RIPOR3: variants seen among roughly 807,000 people sequenced by gnomAD.
The protein encoded by RIPOR3 is family with sequence similarity 65 member C.
In RIPOR3, 95 loss-of-function variants were observed where a neutral mutation model predicts 114.3. The observed-to-expected ratio is 0.83, with a 90% CI of 0.70 to 0.99. The LOEUF (loss-of-function observed/expected upper bound fraction) is 0.99, where lower values mean the gene tolerates loss of function less well. RIPOR3 is among the 50% of genes least tolerant of loss of function. RIPOR3 has a pLI of 0.00. For synonymous variants in RIPOR3, 575 were observed against 543.8 expected, an observed-to-expected ratio of 1.06 and a Z score of -0.80; for missense variants, 1,252 against 1,266.9, an observed-to-expected ratio of 0.99 and a Z score of 0.18.
intron 3 of RIPOR3, among the ~76,000 whole-genome samples, chr20:50,618,732 T>G (rs2084281999): frequency 6.6e-6 from 1 of 152,206 alleles, no homozygotes; most frequent in Non-Finnish European, 1.5e-5. Flanking sequence ...GTAGGGATTT[T>G]GTGTGTTTAG....
At position 50,602,233 on chromosome 20, in the gene RIPOR3, C is replaced by A; in HGVS notation, c.1498G>T (p.Gly500Cys). Reference protein sequence around the residue: ...HSGTASSSQNGHEEGATGDRE... With the variant: ...HSGTASSSQNCHEEGATGDRE... ...TCCCCGGTTGCCCCTTCCTCGTGGC[C>A]GTTCTGGCTACTCGAGGCTGTGCCG... The change falls in exon 13 of 22, where the codon GGC becomes TGC. Residue 500 changes from glycine (G) to cysteine (C), a missense_variant. Physicochemically the swap from Gly to Cys is radical, Grantham distance 159. Coordinates refer to ENST00000327979, the MANE Select transcript of RIPOR3 (RefSeq NM_001290268.2). This position sits in a 1 kb window ranked among gnomAD's most constrained non-coding sequence, Gnocchi z 4.3. The A allele has an allele frequency of 6.2e-7, 1 of 1,613,942 alleles. No homozygotes were observed. Among genetic ancestry groups the A allele is most frequent in the Non-Finnish European group, 8.5e-7 (1 of 1,179,982 alleles).
At chr20:50,615,527 A>C (rs1202763067) in intron 4 of RIPOR3, among the ~76,000 whole-genome samples, 3 of 149,086 alleles carry the variant, frequency 2.0e-5, no homozygotes, top group African/African-American at 7.3e-5. Flanking sequence ...CCTGTCTCAA[A>C]AAAAAAAAAA....
At chr20:50,611,855 G>A (rs1353180319) in intron 4 of RIPOR3, among the ~76,000 whole-genome samples, 1 of 152,148 alleles carries the variant, frequency 6.6e-6, no homozygotes, top group Non-Finnish European at 1.5e-5. Flanking sequence ...CAGGCGCAGT[G>A]GCTCACGCCT....
rs962615097 is a variant in RIPOR3 at position 50,602,042 on chromosome 20, G to A, written c.1659+30C>T. ...CAGTCATCATGCCATCAGCAAAGCAGGGCCACCGCCCGGGGCGGGGTGGCC... is the reference window on the plus strand; with the variant it reads ...CAGTCATCATGCCATCAGCAAAGCAAGGCCACCGCCCGGGGCGGGGTGGCC... On this transcript the variant is annotated intron_variant, in intron 13 of 21. Transcript: ENST00000327979. This position sits in a 1 kb window ranked among gnomAD's most constrained non-coding sequence, Gnocchi z 4.3. 1 of 1,454,424 alleles carries A rather than the reference G, an allele frequency of 6.9e-7. No individual in the cohort carries two copies. The allele number at this position is 1,454,424 out of a possible 1,614,324, so 90.1% of individuals were successfully genotyped here. A position where few individuals can be genotyped will look rare whatever the true frequency, so the allele number is the denominator to read the frequency against.
intron 1 of RIPOR3, among the ~76,000 whole-genome samples, chr20:50,656,297 A>G (rs1464098977): frequency 6.6e-6 from 1 of 151,980 alleles, no homozygotes; most frequent in African/African-American, 2.4e-5. Flanking sequence ...TGGCTGTGTA[A>G]CCCTGAGAAT....
At chr20:50,665,374 G>A in intron 1 of RIPOR3, among the ~76,000 whole-genome samples, 1 of 149,680 alleles carries the variant, frequency 6.7e-6, no homozygotes, top group East Asian at 2.0e-4. Context: ...TGGAGCCTAG[G>A]CCTGTCTGGC....
intron 1 of RIPOR3, among the ~76,000 whole-genome samples, chr20:50,680,262 A>T (rs1600765977): frequency 6.6e-6 from 1 of 152,186 alleles, no homozygotes; most frequent in Non-Finnish European, 1.5e-5. Flanking sequence ...AGCGGGGCCC[A>T]CTGATTATTT....
chr20:50,604,331 T>C (rs1487756352), intron 12 of RIPOR3, among the ~76,000 whole-genome samples: 1 of 152,184 alleles, frequency 6.6e-6, no homozygotes, highest in Non-Finnish European at 1.5e-5. Flanking sequence ...GAAAGATGTT[T>C]TACTGGGCAC....
chr20:50,659,881 G>A (rs2085938033), intron 1 of RIPOR3: 1 of 152,122 alleles, frequency 6.6e-6, no homozygotes, highest in Non-Finnish European at 1.5e-5. Flanking sequence ...GGAGGCACGT[G>A]ACCCACATGG....
At chr20:50,621,117 T>C in intron 2 of RIPOR3, 1 of 119,112 alleles carries the variant, frequency 8.4e-6, no homozygotes, top group Non-Finnish European at 1.5e-5. Context: ...TAGAACAGCT[T>C]GACAAAAAAA....
At chr20:50,617,535 G>A (rs988230351) in intron 3 of RIPOR3, among the ~76,000 whole-genome samples, 2 of 151,508 alleles carry the variant, frequency 1.3e-5, no homozygotes, top group Admixed American at 6.6e-5. Flanking sequence ...TGCCTGCCTC[G>A]GCCCCCCAAA....
At chr20:50,597,840 C>G (rs751294693) in intron 13 of RIPOR3, 130 bp from the exon 14 acceptor site, 17 of 1,378,666 alleles carry the variant, frequency 1.2e-5, no homozygotes, top group Non-Finnish European at 1.6e-5. Flanking sequence ...ACACCGTCCC[C>G]CAGCAGAAGC....
intron 13 of RIPOR3, 100 bp downstream of exon 13, chr20:50,601,972 C>A (rs1601476972): frequency 8.2e-7 from 1 of 1,214,818 alleles, no homozygotes; most frequent in East Asian, 2.6e-5. Flanking sequence ...AGAGGTGAGG[C>A]CAGGATGTCG....
At chr20:50,615,103 T>TTGAGTG (rs1555848675) in intron 4 of RIPOR3, among the ~76,000 whole-genome samples, 1 of 60,112 alleles carries the variant, frequency 1.7e-5, no homozygotes, top group African/African-American at 7.9e-5. Flanking sequence ...GGCATGCTAT[T>TTGAGTG]TGTGAGTGTG....
intron 1 of RIPOR3, among the ~76,000 whole-genome samples, chr20:50,686,700 GA>G (rs2087036405): frequency 1.3e-5 from 2 of 151,196 alleles, no homozygotes; most frequent in Non-Finnish European, 2.9e-5. Context: ...GCAGTGAGCT[GA>G]GATCGCACCA....
chr20:50,593,247 C>T (rs1288617512), intron 17 of RIPOR3, 51 bp from the exon 18 acceptor site: 9 of 1,579,044 alleles, frequency 5.7e-6, no homozygotes, highest in Admixed American at 3.5e-5. Flanking sequence ...CGACCCTCCA[C>T]GCTTCTCAGC....
At chr20:50,611,542 A>C (rs1339548894) in intron 4 of RIPOR3, among the ~76,000 whole-genome samples, 1 of 152,184 alleles carries the variant, frequency 6.6e-6, no homozygotes, top group East Asian at 1.9e-4. Context: ...ACAGGGAGAA[A>C]AAAGGACACA....
chr20:50,610,006 T>TGCCTCACCTGCCACCCCG (rs2083902610), intron 6 of RIPOR3, among the ~76,000 whole-genome samples: 1 of 75,786 alleles, frequency 1.3e-5, no homozygotes, highest in African/African-American at 4.8e-5. Flanking sequence ...CTGCCACCCC[T>TGCCTCACCTGCCACCCCG]GCCTCACCTG....
At chr20:50,631,369 C>T (rs572562927) in intron 1 of RIPOR3, among the ~76,000 whole-genome samples, 14 of 152,098 alleles carry the variant, frequency 9.2e-5, no homozygotes, top group Non-Finnish European at 1.9e-4. Context: ...CATGAAGAGG[C>T]GCCCAAGAGC....
Sources: allele counts gnomAD v4.1 joint callset (sites outside exome capture counted in the v4.1 genomes callset), GRCh38; gene constraint gnomAD v4.1.1; non-coding constraint Gnocchi (gnomAD v3.1); transcripts MANE v1.5; gene names NCBI Gene and HGNC (gene_info 2026-07-23, HGNC 2026-07-21).